Variants in GRID1 observed in about 807,000 individuals in gnomAD.
The protein encoded by GRID1 is glutamate receptor ionotropic, delta-1.
A neutral mutation model predicts 98.0 loss-of-function variants in GRID1; 28 were observed. That is an observed-to-expected ratio of 0.29 (90% confidence interval 0.21 to 0.39). The LOEUF (loss-of-function observed/expected upper bound fraction) is 0.39. Ranked by LOEUF, GRID1 falls within the 10% of genes least tolerant of loss-of-function variation. The pLI, the probability that GRID1 is intolerant of heterozygous loss-of-function variation, is 1.00. For missense variants in GRID1, 1,111 were observed against 1,340.5 expected (o/e 0.83, Z 2.67); for synonymous variants, 553 against 538.5 (o/e 1.03, Z -0.37).
chr10:85,681,399 AG>A (rs1841207050), intron 12 of GRID1, among the ~76,000 whole-genome samples: 1 of 152,226 alleles, frequency 6.6e-6, no homozygotes, highest in Admixed American at 6.5e-5. Flanking sequence ...ATTTGTTTCT[AG>A]AAAAATAACA....
chr10:86,035,862 A>G (rs1843253319), intron 4 of GRID1, among the ~76,000 whole-genome samples: 1 of 152,228 alleles, frequency 6.6e-6, no homozygotes, highest in South Asian at 2.1e-4. Context: ...GCTTTAAGAG[A>G]ATAAAATAGG....
chr10:85,876,461 C>T (rs1413939425), intron 5 of GRID1, among the ~76,000 whole-genome samples: 1 of 152,150 alleles, frequency 6.6e-6, no homozygotes, highest in Non-Finnish European at 1.5e-5. Context: ...ATCCAGATAA[C>T]CCAAGATAAT....
intron 2 of GRID1, among the ~76,000 whole-genome samples, chr10:86,290,310 G>A (rs1441624346): frequency 6.6e-6 from 1 of 152,192 alleles, no homozygotes; most frequent in Non-Finnish European, 1.5e-5. Flanking sequence ...CTGGCTGAGA[G>A]CGTTGGGGTG....
At chr10:85,824,208 T>C (rs965926896) in intron 8 of GRID1, among the ~76,000 whole-genome samples, 3 of 151,028 alleles carry the variant, frequency 2.0e-5, no homozygotes, top group Non-Finnish European at 4.4e-5. Context: ...GTTTGTTTGT[T>C]TTTTGAGATG....
intron 2 of GRID1, among the ~76,000 whole-genome samples, chr10:86,234,557 C>A (rs1238004836): frequency 6.6e-6 from 1 of 152,142 alleles, no homozygotes; most frequent in Non-Finnish European, 1.5e-5. Flanking sequence ...AACTAAGTTT[C>A]CTGGGAGAAA....
intron 2 of GRID1, among the ~76,000 whole-genome samples, chr10:86,279,675 G>A (rs1478015111): frequency 6.6e-6 from 1 of 152,118 alleles, no homozygotes; most frequent in African/African-American, 2.4e-5. Context: ...GAATAGGATG[G>A]TTTCCTCCTA....
chr10:86,169,264 G>T (rs1376975699), intron 3 of GRID1, among the ~76,000 whole-genome samples: 1 of 152,214 alleles, frequency 6.6e-6, no homozygotes, highest in African/African-American at 2.4e-5. Flanking sequence ...TAGAGAATGA[G>T]GCAAGTACTG....
At chr10:86,183,222 C>T (rs1336812167) in intron 3 of GRID1, among the ~76,000 whole-genome samples, 1 of 152,074 alleles carries the variant, frequency 6.6e-6, no homozygotes, top group Non-Finnish European at 1.5e-5. Context: ...AGTATATACT[C>T]TTTTTGTCTT....
chr10:85,658,362 T>C (rs912337992), intron 12 of GRID1, among the ~76,000 whole-genome samples: 2 of 152,238 alleles, frequency 1.3e-5, no homozygotes, highest in African/African-American at 2.4e-5. Context: ...TACTGCTTCA[T>C]TGAACCCTGG....
intron 2 of GRID1, among the ~76,000 whole-genome samples, chr10:86,212,729 G>A: frequency 6.6e-6 from 1 of 152,128 alleles, no homozygotes; most frequent in East Asian, 1.9e-4. Context: ...ATTAATATTT[G>A]AATTCCAATG....
intron 4 of GRID1, among the ~76,000 whole-genome samples, chr10:86,032,022 C>T (rs1589344201): frequency 2.0e-5 from 3 of 152,178 alleles, no homozygotes; most frequent in African/African-American, 4.8e-5. Context: ...ATGACCCTCA[C>T]CCCATCTTTT....
At position 85,941,069 on chromosome 10, in the gene GRID1, A is replaced by G. The variant is rs184262259; in HGVS notation, c.727-24830T>C. On this transcript the variant is annotated intron_variant, in intron 4 of 15. Transcript: ENST00000327946. ...CACATATATCAGGTGCTTTTCATCAATCTGTGATGTGTGATGTGTATTCAT... is the reference window on the plus strand; with the variant it reads ...CACATATATCAGGTGCTTTTCATCAGTCTGTGATGTGTGATGTGTATTCAT... Among the ~76,000 whole-genome samples, 32 of 152,314 alleles carry G rather than the reference A, an allele frequency of 2.1e-4. No homozygotes were observed. In the East Asian group the frequency reaches 2.3e-3, roughly 11 times the overall value.
intron 8 of GRID1, among the ~76,000 whole-genome samples, chr10:85,824,470 C>A (rs566838913): frequency 1.4e-4 from 21 of 152,236 alleles, no homozygotes; most frequent in Non-Finnish European, 3.1e-4. Flanking sequence ...CCTTGGCCTC[C>A]CAAGGTGCTG....
At position 86,366,348 on chromosome 10, in the gene GRID1, G is replaced by A; in HGVS notation, c.45C>T (p.Cys15=). The change falls in exon 1 of 16, where the codon TGC becomes TGT. Residue 15 remains cysteine (C), a synonymous_variant. Coordinates refer to ENST00000327946, the MANE Select transcript of GRID1 (RefSeq NM_017551.3). This position sits in a 1 kb window ranked among gnomAD's most constrained non-coding sequence, Gnocchi z 4.1. The part of the protein sequence containing the change: ...TLWLLPWICQ[C]VSVRADSIIH... ...TGATGGAGTCGGCCCGCACCGACAC[G>A]CACTGGCATATCCAGGGGAGAAGCC... is the stretch of plus-strand genomic sequence containing the variant. 2 of 1,522,250 alleles carry A rather than the reference G, an allele frequency of 1.3e-6. No homozygotes were observed. 94.3% of individuals were successfully genotyped at this position (1,522,250 alleles called of 1,614,324 possible). A position where few individuals can be genotyped will look rare whatever the true frequency, so the allele number is the denominator to read the frequency against.
intron 4 of GRID1, among the ~76,000 whole-genome samples, chr10:86,079,045 G>A (rs925821909): frequency 6.6e-6 from 1 of 152,226 alleles, no homozygotes; most frequent in Admixed American, 6.5e-5. Flanking sequence ...CTGGGTAACA[G>A]CCCAGCAGCT....
intron 5 of GRID1, among the ~76,000 whole-genome samples, chr10:85,885,262 C>T (rs762274556): frequency 1.3e-5 from 2 of 152,128 alleles, no homozygotes; most frequent in Admixed American, 6.5e-5. Flanking sequence ...TTCACTGATT[C>T]GAAGCAAAAC....
At chr10:86,269,449 C>T (rs1285465586) in intron 2 of GRID1, among the ~76,000 whole-genome samples, 1 of 152,244 alleles carries the variant, frequency 6.6e-6, no homozygotes, top group Non-Finnish European at 1.5e-5. Flanking sequence ...TGCCCCTTCA[C>T]CCACACACAT....
chr10:85,877,351 C>T (rs1843345353), intron 5 of GRID1, among the ~76,000 whole-genome samples: 1 of 152,214 alleles, frequency 6.6e-6, no homozygotes, highest in Non-Finnish European at 1.5e-5. Flanking sequence ...GGAGGCACCC[C>T]CCAGTAGGGG....
Position 85,731,580 on chromosome 10 carries a change from C to T in GRID1, c.1234-1966G>A, listed in dbSNP as rs560838053. On this transcript the variant is annotated intron_variant, in intron 8 of 15. Coordinates refer to ENST00000327946, the MANE Select transcript of GRID1 (RefSeq NM_017551.3). Reference sequence around the variant, plus strand: ...TTTCGGGAGGCCAAGGTGGGTGGATCGCTTGAGTCCAGGAGTTCAAAACCA... The same window carrying T: ...TTTCGGGAGGCCAAGGTGGGTGGATTGCTTGAGTCCAGGAGTTCAAAACCA... 1.8e-4 allele frequency among the ~76,000 whole-genome samples: 28 copies of T among 151,758 alleles called. No individual in the cohort carries two copies. The East Asian group carries it at 2.9e-3, about 16-fold the overall frequency.
Sources: gnomAD v4.1 joint callset for allele counts (sites outside exome capture counted in the v4.1 genomes callset) on GRCh38, gnomAD v4.1.1 for gene constraint, Gnocchi (gnomAD v3.1) non-coding constraint, MANE v1.5 for transcripts, NCBI Gene and HGNC (gene_info 2026-07-23, HGNC 2026-07-21) for gene names.